FBXO33: variants seen among roughly 807,000 people sequenced by gnomAD.
FBXO33 encodes F-box only protein 33.
FBXO33 carries 22 observed loss-of-function variants against 46.3 expected under a neutral mutation model. The ratio of observed to expected loss-of-function variants is 0.48; its 90% confidence interval spans 0.34 to 0.68. The LOEUF is 0.68. Among genes scored for constraint, FBXO33 ranks in the 30% least tolerant of loss-of-function variants. FBXO33 has a pLI of 0.01. For synonymous variants in FBXO33, 337 were observed against 291.3 expected (o/e 1.16, Z -1.60); for missense variants, 692 against 708.8 (o/e 0.98, Z 0.27).
chr14:39,404,615 C>T (rs369575127), intron 1 of FBXO33, among the ~76,000 whole-genome samples: 4 of 152,060 alleles, frequency 2.6e-5, no homozygotes, highest in Non-Finnish European at 4.4e-5. Flanking sequence ...CGTGAGCCAC[C>T]GTGCCCGGCT....
At chr14:39,429,838 G>C (rs1303666827) in intron 1 of FBXO33, among the ~76,000 whole-genome samples, 1 of 152,188 alleles carries the variant, frequency 6.6e-6, no homozygotes, top group Admixed American at 6.5e-5. Flanking sequence ...AAAAATTGTA[G>C]GGGTAAGGAA....
At position 39,432,144 on chromosome 14, in the gene FBXO33, CT is replaced by C; in HGVS notation, c.18del (p.Val7CysfsTer69). On this transcript the variant is annotated frameshift_variant, in exon 1 of 4. Coordinates refer to ENST00000298097, the MANE Select transcript of FBXO33 (RefSeq NM_203301.4). LOFTEE classifies it high-confidence loss of function. MLLFL[S>X]VPQPRPPGAR... ...GCTCCCGGCGGTCGGGGCTGCGGCA[CT>C]GACAAGAACAACAACATCAATGACT... The C allele has an allele frequency of 8.1e-7, 1 of 1,236,798 alleles. No individual in the cohort carries two copies. Among genetic ancestry groups the C allele is most frequent in the East Asian group, 3.2e-5 (1 of 31,480 alleles). 76.6% of individuals were successfully genotyped at this position (1,236,798 alleles called of 1,614,324 possible).
intron 1 of FBXO33, among the ~76,000 whole-genome samples, chr14:39,424,189 A>G (rs959376703): frequency 1.3e-5 from 2 of 152,138 alleles, no homozygotes; most frequent in African/African-American, 4.8e-5. Flanking sequence ...CCCCAAAGAG[A>G]CACCTGGCTT....
At chr14:39,407,840 A>G (rs1318989832) in intron 1 of FBXO33, among the ~76,000 whole-genome samples, 2 of 152,202 alleles carry the variant, frequency 1.3e-5, no homozygotes, top group African/African-American at 4.8e-5. Flanking sequence ...ATCATACGGC[A>G]GTGCTATTTT....
chr14:39,417,696 A>G (rs2075455696), intron 1 of FBXO33, among the ~76,000 whole-genome samples: 2 of 151,952 alleles, frequency 1.3e-5, no homozygotes, highest in Admixed American at 6.5e-5. Context: ...ATGCCCAGCT[A>G]ATTTTTGTAC....
At chr14:39,416,537 T>A (rs1001132783) in intron 1 of FBXO33, among the ~76,000 whole-genome samples, 1 of 152,158 alleles carries the variant, frequency 6.6e-6, no homozygotes, top group Admixed American at 6.5e-5. Flanking sequence ...TCATTCTTTT[T>A]ATTTTGCTCT....
At chr14:39,407,716 T>C (rs1454282676) in intron 1 of FBXO33, among the ~76,000 whole-genome samples, 3 of 152,352 alleles carry the variant, frequency 2.0e-5, no homozygotes, top group South Asian at 2.1e-4. Context: ...ATTTGGGTTG[T>C]TTCCTTATAT....
chr14:39,416,143 T>C (rs1253594970), intron 1 of FBXO33, among the ~76,000 whole-genome samples: 1 of 152,264 alleles, frequency 6.6e-6, no homozygotes, highest in Non-Finnish European at 1.5e-5. Context: ...TTAGCATTTC[T>C]TGTAAGGCAG....
chr14:39,408,979 G>A (rs1447781689), intron 1 of FBXO33, among the ~76,000 whole-genome samples: 8 of 151,880 alleles, frequency 5.3e-5, no homozygotes, highest in African/African-American at 1.9e-4. Context: ...GTTTTATCAT[G>A]TTGTCCAGGC....
chr14:39,432,062 T>A lies in FBXO33; in HGVS notation c.101A>T (p.Gln34Leu). 2 of 1,199,930 alleles carry A rather than the reference T, an allele frequency of 1.7e-6. No homozygotes were observed. Among genetic ancestry groups the A allele is most frequent in the Non-Finnish European group, 2.1e-6 (2 of 956,154 alleles). The allele number at this position is 1,199,930 out of a possible 1,614,324, so 74.3% of individuals were successfully genotyped here. ...GAGCAGCCCCCGCAGCCGTCGCAGC[T>A]GCTGCAGCCGCAGCCGCCGCCACCG... The part of the protein sequence containing the change: ...VARWRRLRLQ[Q>L]LRRLRGLLRV... Residue 34 changes from glutamine (Q) to leucine (L), a missense_variant, in exon 1 of 4, where the codon CAG (glutamine) becomes CTG (leucine). Physicochemically the swap from Gln to Leu is moderately radical, Grantham distance 113. Coordinates refer to ENST00000298097, the MANE Select transcript of FBXO33 (RefSeq NM_203301.4).
intron 1 of FBXO33, among the ~76,000 whole-genome samples, chr14:39,403,133 AT>A (rs1473976587): frequency 6.6e-6 from 1 of 152,236 alleles, no homozygotes; most frequent in East Asian, 1.9e-4. Flanking sequence ...TAATTACAAT[AT>A]AAACATGTCT....
chr14:39,419,879 C>T (rs1360615714), intron 1 of FBXO33, among the ~76,000 whole-genome samples: 1 of 152,238 alleles, frequency 6.6e-6, no homozygotes, highest in East Asian at 1.9e-4. Flanking sequence ...TTACTAGTCC[C>T]TATGTAAATC....
intron 1 of FBXO33, among the ~76,000 whole-genome samples, chr14:39,422,735 A>C (rs536224389): frequency 7.2e-4 from 110 of 152,340 alleles, no homozygotes; most frequent in Non-Finnish European, 1.3e-3. Context: ...TTTTTCTAAC[A>C]AAGTTTTTGT....
intron 1 of FBXO33, among the ~76,000 whole-genome samples, chr14:39,426,303 T>A (rs1372039696): frequency 6.6e-6 from 1 of 152,172 alleles, no homozygotes; most frequent in Non-Finnish European, 1.5e-5. Flanking sequence ...TACTCTGGGC[T>A]ATACTTCCAA....
Position 39,401,559 on chromosome 14 carries a change from G to C in FBXO33, c.1013C>G (p.Ser338Cys). ...TACAGAAACATTGTGAACCAGAAGA[G>C]ACAGTCGTTGCAAAGGCACATGGTT... Reference protein sequence around the residue: ...DSNHVPLQRLSLLVHNVSVMH... With the variant: ...DSNHVPLQRLCLLVHNVSVMH... The change falls in exon 3 of 4, where the codon TCT becomes TGT. Residue 338 changes from serine to cysteine, a missense_variant. Coordinates refer to ENST00000298097, the MANE Select transcript of FBXO33 (RefSeq NM_203301.4). 6.2e-7 allele frequency: 1 copy of C among 1,614,196 alleles called. No homozygotes were observed. Among genetic ancestry groups the C allele is most frequent in the Non-Finnish European group, 8.5e-7 (1 of 1,180,036 alleles).
At chr14:39,425,756 T>C (rs191213081) in intron 1 of FBXO33, among the ~76,000 whole-genome samples, 1 of 152,370 alleles carries the variant, frequency 6.6e-6, no homozygotes, top group East Asian at 1.9e-4. Flanking sequence ...TGTACTATTC[T>C]TTGTTGTACA....
intron 1 of FBXO33, among the ~76,000 whole-genome samples, chr14:39,417,781 G>A (rs1255999248): frequency 1.3e-5 from 2 of 151,984 alleles, no homozygotes; most frequent in African/African-American, 2.4e-5. Context: ...CACTCGCCTC[G>A]GCCTCCCAAA....
chr14:39,424,320 C>T lies in FBXO33; in HGVS notation c.599+7244G>A, dbSNP rs904658605. 3.3e-5 allele frequency among the ~76,000 whole-genome samples: 5 copies of T among 152,290 alleles called. No homozygotes were observed. In the South Asian group the frequency reaches 8.3e-4, roughly 25 times the overall value. ...CTCCCTTCACTGCTTTATATTTCTT[C>T]GTAGCATATATTACCAACTGAGATA... On this transcript the variant is annotated intron_variant, in intron 1 of 3. Coordinates refer to ENST00000298097, the MANE Select transcript of FBXO33 (RefSeq NM_203301.4).
chr14:39,427,247 C>T (rs779557032), intron 1 of FBXO33, among the ~76,000 whole-genome samples: 3 of 152,158 alleles, frequency 2.0e-5, no homozygotes, highest in Non-Finnish European at 4.4e-5. Flanking sequence ...AATAAAAAGT[C>T]CTAAAACCTC....
Sources: allele counts gnomAD v4.1 joint callset (sites outside exome capture counted in the v4.1 genomes callset), GRCh38; gene constraint gnomAD v4.1.1; transcripts MANE v1.5; gene names NCBI Gene and HGNC (gene_info 2026-07-23, HGNC 2026-07-21).